Variants in PPARD observed in about 807,000 individuals in gnomAD.
The protein encoded by PPARD is peroxisome proliferator activated receptor delta, also known as peroxisome proliferator-activated receptor delta.
In PPARD, 6 loss-of-function variants were observed where a neutral mutation model predicts 39.5. The ratio of observed to expected loss-of-function variants is 0.15; its 90% CI spans 0.08 to 0.30. The LOEUF is 0.30. PPARD is among the 10% of genes least tolerant of loss of function. The pLI is 1.00. For synonymous variants in PPARD, 210 were observed against 231.3 expected (o/e 0.91, Z 0.83); for missense variants, 397 against 596.8 (o/e 0.67, Z 3.49).
chr6:35,381,389 T>C (rs533814121), intron 2 of PPARD, among the ~76,000 whole-genome samples: 142 of 152,364 alleles, frequency 9.3e-4, no homozygotes, highest in African/African-American at 3.2e-3. Flanking sequence ...TTAGGAATTC[T>C]ATTTGGCAGC....
intron 2 of PPARD, among the ~76,000 whole-genome samples, chr6:35,377,871 C>CTTTTTATTTTTTTTTTTTTTTTTTTTT (rs1762904080): frequency 8.3e-6 from 1 of 120,342 alleles, no homozygotes; most frequent in African/African-American, 4.4e-5. Context: ...GTTTACGTAT[C>CTTTTTATTTTTTTTTTTTTTTTTTTTT]TTTTTTTTTT....
chr6:35,362,595 G>C (rs1341371777), intron 2 of PPARD, among the ~76,000 whole-genome samples: 19 of 152,156 alleles, frequency 1.2e-4, no homozygotes, highest in Non-Finnish European at 1.8e-4. Flanking sequence ...CCAGGGCTGG[G>C]GGTGGGGGTC....
chr6:35,396,329 C>CGAGTA (rs1764311531), intron 2 of PPARD, among the ~76,000 whole-genome samples: 1 of 151,324 alleles, frequency 6.6e-6, no homozygotes, highest in Admixed American at 6.6e-5. Flanking sequence ...CTCAGCCTCC[C>CGAGTA]GAGTAGCTGG....
chr6:35,364,292 AT>A (rs1762070401), intron 2 of PPARD, among the ~76,000 whole-genome samples: 1 of 152,078 alleles, frequency 6.6e-6, no homozygotes, highest in African/African-American at 2.4e-5. Context: ...TTATTGGTAA[AT>A]TGGTGGACAT....
intron 2 of PPARD, among the ~76,000 whole-genome samples, chr6:35,402,934 C>T (rs1764798195): frequency 6.6e-6 from 1 of 152,214 alleles, no homozygotes; most frequent in Non-Finnish European, 1.5e-5. Context: ...ACGGGGCAAC[C>T]TCTGTCTTGT....
chr6:35,401,878 C>G lies in PPARD; in HGVS notation c.-101-9109C>G, dbSNP rs1022455214. On this transcript the variant is annotated intron_variant, in intron 2 of 7. Coordinates refer to ENST00000360694, the MANE Select transcript of PPARD (RefSeq NM_006238.5). The surrounding 1 kb of genome is among the most constrained non-coding windows in gnomAD (Gnocchi z 4.1). The stretch of plus-strand genomic sequence containing the variant: ...CAGGGACAGTGTCCACAACCATAGC[C>G]CCTGTGGTCTTAGCTGAGAAGGGCT... Among the ~76,000 whole-genome samples, 3 of 152,200 alleles carry G rather than the reference C, an allele frequency of 2.0e-5. No homozygotes were observed. In the South Asian group the frequency reaches 6.2e-4, roughly 32 times the overall value.
intron 2 of PPARD, among the ~76,000 whole-genome samples, chr6:35,392,916 T>C (rs773005345): frequency 2.6e-5 from 4 of 152,158 alleles, no homozygotes; most frequent in African/African-American, 4.8e-5. Flanking sequence ...CCCAGAGCAG[T>C]TGTTTTGGGA....
chr6:35,402,108 C>T (rs1044288326), intron 2 of PPARD, among the ~76,000 whole-genome samples: 1 of 152,164 alleles, frequency 6.6e-6, no homozygotes, highest in Admixed American at 6.5e-5. Context: ...TCTCCCCCTT[C>T]CCCCGACCAA....
Position 35,425,153 on chromosome 6 carries a change from A to G in PPARD, c.1078+374A>G. 2.6e-6 allele frequency: 2 copies of G among 775,070 alleles called. No homozygotes were observed. The highest frequency in any genetic ancestry group is 3.2e-6 in the Non-Finnish European group (2 of 617,032). 48.0% of individuals were successfully genotyped at this position (775,070 alleles called of 1,614,324 possible). A position where few individuals can be genotyped will look rare whatever the true frequency, so the allele number is the denominator to read the frequency against. ...GCCAGATGTGGTGGCACGCGCCTGT[A>G]ATCCCAGCTACTTGGGAGGCTGAGC... On this transcript the variant is annotated intron_variant, in intron 7 of 7. Coordinates refer to ENST00000360694, the MANE Select transcript of PPARD (RefSeq NM_006238.5). The surrounding 1 kb of genome is among the most constrained non-coding windows in gnomAD (Gnocchi z 4.5).
At chr6:35,354,706 A>G (rs1198908539) in intron 2 of PPARD, among the ~76,000 whole-genome samples, 1 of 152,206 alleles carries the variant, frequency 6.6e-6, no homozygotes, top group Non-Finnish European at 1.5e-5. Context: ...CCGTAGGCTC[A>G]TGGAAATGTT....
At chr6:35,344,621 T>G (rs1483549230) in intron 1 of PPARD, among the ~76,000 whole-genome samples, 1 of 152,186 alleles carries the variant, frequency 6.6e-6, no homozygotes, top group East Asian at 1.9e-4. Context: ...CTCTCATGTT[T>G]AGAAATGAAG....
intron 3 of PPARD, among the ~76,000 whole-genome samples, chr6:35,416,845 ACT>A (rs1765804684): frequency 6.7e-6 from 1 of 149,040 alleles, no homozygotes; most frequent in Non-Finnish European, 1.5e-5. Context: ...GCGTTGCTCC[ACT>A]CTGTCTCATG....
intron 1 of PPARD, among the ~76,000 whole-genome samples, chr6:35,345,060 C>T (rs1792091189): frequency 6.6e-6 from 1 of 152,162 alleles, no homozygotes; most frequent in Non-Finnish European, 1.5e-5. Context: ...TTTGTTACTT[C>T]TGGCCGTGCT....
At chr6:35,358,830 T>C (rs1488355579) in intron 2 of PPARD, among the ~76,000 whole-genome samples, 3 of 152,204 alleles carry the variant, frequency 2.0e-5, no homozygotes, top group African/African-American at 4.8e-5. Context: ...GTGTACCTCC[T>C]ATGTGCTAGG....
chr6:35,353,401 C>T (rs1446186240), intron 2 of PPARD, among the ~76,000 whole-genome samples: 1 of 152,168 alleles, frequency 6.6e-6, no homozygotes, highest in Non-Finnish European at 1.5e-5. Flanking sequence ...AGATTAAGCA[C>T]CCAGAGCCAG....
chr6:35,353,696 C>A (rs1201751389), intron 2 of PPARD, among the ~76,000 whole-genome samples: 3 of 151,952 alleles, frequency 2.0e-5, no homozygotes, highest in Non-Finnish European at 4.4e-5. Context: ...GGAAGAGGGA[C>A]AAAAGTAGGG....
At chr6:35,419,603 C>CT (rs1227454564) in intron 3 of PPARD, among the ~76,000 whole-genome samples, 1 of 152,304 alleles carries the variant, frequency 6.6e-6, no homozygotes, top group South Asian at 2.1e-4. Context: ...TCCCTGGAGT[C>CT]TATGCAAGAA....
intron 2 of PPARD, among the ~76,000 whole-genome samples, chr6:35,389,591 G>T (rs1763895060): frequency 6.6e-6 from 1 of 152,114 alleles, no homozygotes; most frequent in Non-Finnish European, 1.5e-5. Flanking sequence ...AGGATTACAG[G>T]CGTGAGCCAC....
At chr6:35,405,778 C>T (rs995396943) in intron 2 of PPARD, among the ~76,000 whole-genome samples, 1 of 151,664 alleles carries the variant, frequency 6.6e-6, no homozygotes, top group Non-Finnish European at 1.5e-5. Context: ...TACAGGCGTG[C>T]GCCACCATGC....
Sources: gnomAD v4.1 joint callset for allele counts (sites outside exome capture counted in the v4.1 genomes callset) on GRCh38, gnomAD v4.1.1 for gene constraint, Gnocchi (gnomAD v3.1) non-coding constraint, MANE v1.5 for transcripts, NCBI Gene and HGNC (gene_info 2026-07-23, HGNC 2026-07-21) for gene names.